NOS1AP: variants seen among roughly 807,000 people sequenced by gnomAD.
NOS1AP encodes the protein carboxyl-terminal PDZ ligand of neuronal nitric oxide synthase protein.
NOS1AP carries 21 observed loss-of-function variants against 56.2 expected under a neutral mutation model. The ratio of observed to expected loss-of-function variants is 0.37; its 90% CI spans 0.26 to 0.54. The LOEUF is 0.54. Ranked by LOEUF, NOS1AP falls within the 20% of genes least tolerant of loss-of-function variation. The pLI is 0.84. For synonymous variants in NOS1AP, 270 were observed against 274.6 expected (o/e 0.98, Z 0.17); for missense variants, 522 against 657.8 (o/e 0.79, Z 2.26).
intron 4 of NOS1AP, among the ~76,000 whole-genome samples, chr1:162,318,745 C>T (rs112270458): frequency 0.014 from 2,125 of 152,198 alleles, 45 homozygotes; most frequent in African/African-American, 0.048. Flanking sequence ...CACTCTATCC[C>T]CTCCATCCCT....
At chr1:162,284,225 A>G (rs974024861) in intron 2 of NOS1AP, among the ~76,000 whole-genome samples, 1 of 152,262 alleles carries the variant, frequency 6.6e-6, no homozygotes, top group African/African-American at 2.4e-5. Flanking sequence ...TAATTGCCAT[A>G]TAAACAAATG....
intron 2 of NOS1AP, among the ~76,000 whole-genome samples, chr1:162,169,174 C>A (rs768614673): frequency 6.6e-6 from 1 of 152,236 alleles, no homozygotes; most frequent in African/African-American, 2.4e-5. Flanking sequence ...CCAAATGACC[C>A]TATTTGATCT....
At chr1:162,193,711 G>A (rs939162631) in intron 2 of NOS1AP, among the ~76,000 whole-genome samples, 3 of 152,058 alleles carry the variant, frequency 2.0e-5, no homozygotes, top group Admixed American at 2.0e-4. Context: ...CCTGATTTTA[G>A]AGGGGGCCAG....
chr1:162,133,176 T>C (rs964310953), intron 1 of NOS1AP, among the ~76,000 whole-genome samples: 1 of 152,232 alleles, frequency 6.6e-6, no homozygotes, highest in Non-Finnish European at 1.5e-5. Context: ...GCTTAATTTG[T>C]CTATATTCTT....
chr1:162,219,655 T>C (rs559551834), intron 2 of NOS1AP, among the ~76,000 whole-genome samples: 14 of 152,368 alleles, frequency 9.2e-5, no homozygotes, highest in South Asian at 4.1e-4. Context: ...GAAGTGGCTG[T>C]TGCCCCCACC....
intron 1 of NOS1AP, among the ~76,000 whole-genome samples, chr1:162,114,831 A>G (rs981474770): frequency 1.3e-5 from 2 of 152,142 alleles, no homozygotes; most frequent in East Asian, 1.9e-4. Flanking sequence ...GTTTGCGTCT[A>G]TGTGACCTCT....
intron 2 of NOS1AP, among the ~76,000 whole-genome samples, chr1:162,232,530 T>TGG (rs1653154314): frequency 7.3e-6 from 1 of 136,826 alleles, no homozygotes; most frequent in African/African-American, 2.9e-5. Flanking sequence ...CTTTTGTGCT[T>TGG]AGAGTGTGTG....
intron 4 of NOS1AP, among the ~76,000 whole-genome samples, chr1:162,331,599 C>T (rs1656773371): frequency 1.3e-5 from 2 of 151,836 alleles, no homozygotes; most frequent in African/African-American, 4.8e-5. Context: ...ACTCTCAATC[C>T]CATTCTCTTT....
chr1:162,229,836 A>C (rs755884975), intron 2 of NOS1AP, among the ~76,000 whole-genome samples: 1 of 152,166 alleles, frequency 6.6e-6, no homozygotes, highest in Non-Finnish European at 1.5e-5. Flanking sequence ...CTAGAACCTG[A>C]GAAGAACAGT....
intron 2 of NOS1AP, among the ~76,000 whole-genome samples, chr1:162,176,379 A>G (rs2102139860): frequency 6.6e-6 from 1 of 152,038 alleles, no homozygotes; most frequent in South Asian, 2.1e-4. Context: ...CTATCCCTAT[A>G]ATTTTTGCTT....
intron 2 of NOS1AP, among the ~76,000 whole-genome samples, chr1:162,158,300 A>C (rs1465613515): frequency 6.6e-6 from 1 of 152,214 alleles, no homozygotes; most frequent in African/African-American, 2.4e-5. Flanking sequence ...AGGTTCATCC[A>C]TGTTGCAGTA....
Position 162,117,133 on chromosome 1 carries a change from C to T in NOS1AP, c.106-37272C>T, listed in dbSNP as rs761660350. On this transcript the variant is annotated intron_variant, in intron 1 of 9. Coordinates refer to ENST00000361897, the MANE Select transcript of NOS1AP (RefSeq NM_014697.3). ...GACAGCATTAATCAATTTACTAGGA[C>T]GTAATCTAATAATCAGAAAATGCTG... 5.9e-5 allele frequency among the ~76,000 whole-genome samples: 9 copies of T among 152,270 alleles called. No homozygotes were observed. In the South Asian group the frequency reaches 1.2e-3, roughly 21 times the overall value.
At chr1:162,137,448 A>G (rs1029199299) in intron 1 of NOS1AP, among the ~76,000 whole-genome samples, 3 of 152,064 alleles carry the variant, frequency 2.0e-5, no homozygotes, top group Admixed American at 1.3e-4. Flanking sequence ...ACCCATCACC[A>G]TGGTTTCTAG....
At chr1:162,113,414 C>T (rs1022231258) in intron 1 of NOS1AP, among the ~76,000 whole-genome samples, 13 of 152,184 alleles carry the variant, frequency 8.5e-5, no homozygotes, top group Admixed American at 6.5e-5. Context: ...ATGAGGGCAC[C>T]TCCTCTAATG....
intron 1 of NOS1AP, among the ~76,000 whole-genome samples, chr1:162,096,203 G>T (rs959857966): frequency 7.2e-5 from 11 of 152,142 alleles, no homozygotes; most frequent in African/African-American, 2.4e-4. Flanking sequence ...GAACATTAAT[G>T]GTTCTTTCCT....
At chr1:162,366,646 T>C in intron 9 of NOS1AP, among the ~76,000 whole-genome samples, 1 of 152,224 alleles carries the variant, frequency 6.6e-6, no homozygotes, top group East Asian at 1.9e-4. Flanking sequence ...GAAGCCTCTC[T>C]GGATTTTCCA....
chr1:162,101,253 G>A (rs1046710305), intron 1 of NOS1AP, among the ~76,000 whole-genome samples: 5 of 152,158 alleles, frequency 3.3e-5, no homozygotes, highest in Non-Finnish European at 7.4e-5. Context: ...TTGTAAGTGT[G>A]TGGTCTTCTT....
chr1:162,139,978 C>T (rs368864264), intron 1 of NOS1AP, among the ~76,000 whole-genome samples: 11 of 152,134 alleles, frequency 7.2e-5, no homozygotes, highest in African/African-American at 1.7e-4. Context: ...CAGGTGTGCA[C>T]CACCACACGC....
At chr1:162,076,211 T>C (rs1691764676) in intron 1 of NOS1AP, among the ~76,000 whole-genome samples, 2 of 152,210 alleles carry the variant, frequency 1.3e-5, no homozygotes, top group Admixed American at 1.3e-4. Context: ...ACCTTTTTGC[T>C]GCCCTTGTCC....
Sources: allele counts gnomAD v4.1 joint callset (sites outside exome capture counted in the v4.1 genomes callset), GRCh38; gene constraint gnomAD v4.1.1; transcripts MANE v1.5; gene names NCBI Gene and HGNC (gene_info 2026-07-23, HGNC 2026-07-21).